The following RFTN1 variants were observed in gnomAD, a reference collection of about 807,000 sequenced individuals.
RFTN1 encodes the protein raftlin, lipid raft linker 1.
A neutral mutation model predicts 46.5 loss-of-function variants in RFTN1; 26 were observed. That is an observed-to-expected ratio of 0.56 (90% confidence interval 0.41 to 0.78). RFTN1 has a LOEUF of 0.78. Ranked by LOEUF, RFTN1 falls within the 30% of genes least tolerant of loss-of-function variation. The pLI, the probability that RFTN1 is intolerant of heterozygous loss-of-function variation, is 0.00. For synonymous variants in RFTN1, 261 were observed against 284.2 expected (o/e 0.92, Z 0.82); for missense variants, 693 against 718.7 (o/e 0.96, Z 0.41).
chr3:16,337,883 G>A lies in RFTN1; in HGVS notation c.1147-11007C>T, dbSNP rs1452465022. 6.6e-6 allele frequency among the ~76,000 whole-genome samples: 1 copy of A among 152,194 alleles called. No homozygotes were observed. Among genetic ancestry groups the A allele is most frequent in the Non-Finnish European group, 1.5e-5 (1 of 68,038 alleles). On this transcript the variant is annotated intron_variant, in intron 7 of 9. Transcript: ENST00000334133. The surrounding 1 kb of genome is among the most constrained non-coding windows in gnomAD (Gnocchi z 5.0). Reference sequence around the variant, plus strand: ...CCTAGCCCTTATTTGCTCCAGGCCGGACACTTTGGCCTTGCATTACCTCTG... The same window carrying A: ...CCTAGCCCTTATTTGCTCCAGGCCGAACACTTTGGCCTTGCATTACCTCTG...
intron 4 of RFTN1, among the ~76,000 whole-genome samples, chr3:16,391,857 G>GTT (rs1559317698): frequency 9.1e-6 from 1 of 110,082 alleles, no homozygotes; most frequent in Non-Finnish European, 1.9e-5. Context: ...CTAGTGCAAA[G>GTT]GTTTTTTTTT....
At position 16,345,815 on chromosome 3, in the gene RFTN1, TGTGCGCGCGCGC is replaced by T. The variant is rs869114174; in HGVS notation, c.1146+12105_1146+12116del. ...GTGTGTGTGTGTGTGTGTGTGTGTG[TGTGCGCGCGCGC>T]GTGCGCGCACGCGCACATGTGCATG... On this transcript the variant is annotated intron_variant, in intron 7 of 9. Coordinates refer to ENST00000334133, the MANE Select transcript of RFTN1 (RefSeq NM_015150.2). This position sits in a 1 kb window ranked among gnomAD's most constrained non-coding sequence, Gnocchi z 5.2. 1.8e-4 allele frequency among the ~76,000 whole-genome samples: 15 copies of T among 82,346 alleles called. No homozygotes were observed. Among genetic ancestry groups the T allele is most frequent in the African/African-American group, 4.5e-4 (6 of 13,354 alleles). The allele number at this position is 82,346 out of a possible 152,430, so 54.0% of individuals were successfully genotyped here. A position where few individuals can be genotyped will look rare whatever the true frequency, so the allele number is the denominator to read the frequency against.
At chr3:16,324,356 AT>A (rs1311709796) in intron 8 of RFTN1, among the ~76,000 whole-genome samples, 1 of 152,172 alleles carries the variant, frequency 6.6e-6, no homozygotes, top group Non-Finnish European at 1.5e-5. Context: ...AATAGTCACC[AT>A]TCTGTGCAAT....
rs530955613 is a variant in RFTN1 at position 16,468,382 on chromosome 3, C to A, written c.145+25343G>T. Among the ~76,000 whole-genome samples, 1 of 152,054 alleles carries A rather than the reference C, an allele frequency of 6.6e-6. No homozygotes were observed. The highest frequency in any genetic ancestry group is 6.5e-5 in the Admixed American group (1 of 15,268). On this transcript the variant is annotated intron_variant, in intron 2 of 9. Transcript: ENST00000334133. This position sits in a 1 kb window ranked among gnomAD's most constrained non-coding sequence, Gnocchi z 4.4. ...CTCCCTTAGATGCTGTCTGCCTATACCCCATGACTGTCAAAAATGTCCCCA... is the reference window on the plus strand; with the variant it reads ...CTCCCTTAGATGCTGTCTGCCTATAACCCATGACTGTCAAAAATGTCCCCA...
At chr3:16,389,101 C>T (rs1400141158) in intron 4 of RFTN1, among the ~76,000 whole-genome samples, 1 of 152,182 alleles carries the variant, frequency 6.6e-6, no homozygotes, top group Non-Finnish European at 1.5e-5. Context: ...ACCTTTTCTT[C>T]CCCCCACCAT....
At chr3:16,323,701 G>A (rs561809795) in intron 8 of RFTN1, among the ~76,000 whole-genome samples, 3 of 152,308 alleles carry the variant, frequency 2.0e-5, no homozygotes, top group Admixed American at 6.5e-5. Flanking sequence ...AGCTGGACAC[G>A]CCCATTCCCT....
intron 4 of RFTN1, among the ~76,000 whole-genome samples, chr3:16,401,321 TAAA>T (rs56312811): frequency 0.053 from 7,778 of 145,398 alleles, 380 homozygotes; most frequent in African/African-American, 0.13. Flanking sequence ...GAAGCCGTGT[TAAA>T]AAAAAAAAAA....
chr3:16,502,311 T>C (rs1389873107), intron 1 of RFTN1, among the ~76,000 whole-genome samples: 1 of 150,234 alleles, frequency 6.7e-6, no homozygotes, highest in Non-Finnish European at 1.5e-5. Context: ...CAGTGAGCCA[T>C]GATCTCGCCA....
rs747984757 is a variant in RFTN1 at position 16,345,389 on chromosome 3, C to CCCT, written c.1146+12540_1146+12542dup. The CCCT allele has an allele frequency of 1.3e-5, 2 of 151,972 alleles. No homozygotes were observed. Among genetic ancestry groups the CCCT allele is most frequent in the Non-Finnish European group, 2.9e-5 (2 of 68,026 alleles). 9.4% of individuals were successfully genotyped at this position (151,972 alleles called of 1,614,324 possible). A position where few individuals can be genotyped will look rare whatever the true frequency, so the allele number is the denominator to read the frequency against. On this transcript the variant is annotated intron_variant, in intron 7 of 9. Transcript: ENST00000334133. The surrounding 1 kb of genome is among the most constrained non-coding windows in gnomAD (Gnocchi z 5.2). Reference sequence around the variant, plus strand: ...ATATAGCCCCTGTTATCACATTGAGCCCTTAACTTGCCACAGGATGCATAA... The same window carrying CCCT: ...ATATAGCCCCTGTTATCACATTGAGCCCTCCTTAACTTGCCACAGGATGCATAA...
At position 16,507,661 on chromosome 3, in the gene RFTN1, C is replaced by A. The variant is rs1396328199; in HGVS notation, c.-9+5781G>T. 6.6e-6 allele frequency among the ~76,000 whole-genome samples: 1 copy of A among 151,292 alleles called. No individual in the cohort carries two copies. The highest frequency in any genetic ancestry group is 6.6e-5 in the Admixed American group (1 of 15,180). On this transcript the variant is annotated intron_variant, in intron 1 of 9. Transcript: ENST00000334133. The surrounding 1 kb of genome is among the most constrained non-coding windows in gnomAD (Gnocchi z 7.1). Reference sequence around the variant, plus strand: ...GCACACATCCACAAACACGCACATACATACACACACAATGCACATAAACAC... The same window carrying A: ...GCACACATCCACAAACACGCACATAAATACACACACAATGCACATAAACAC...
rs1401192880 is a variant in RFTN1 at position 16,418,309 on chromosome 3, C to T, written c.333-8826G>A. On this transcript the variant is annotated intron_variant, in intron 3 of 9. Transcript: ENST00000334133. The surrounding 1 kb of genome is among the most constrained non-coding windows in gnomAD (Gnocchi z 5.0). ...TAAAAAATAAGCATGTGACTAAAAACTATGATACACATTACTTTTAAATAA... is the reference window on the plus strand; with the variant it reads ...TAAAAAATAAGCATGTGACTAAAAATTATGATACACATTACTTTTAAATAA... 6.6e-6 allele frequency among the ~76,000 whole-genome samples: 1 copy of T among 152,210 alleles called. No homozygotes were observed. Among genetic ancestry groups the T allele is most frequent in the Non-Finnish European group, 1.5e-5 (1 of 68,030 alleles).
chr3:16,403,549 G>GAC (rs1271406831), intron 4 of RFTN1, among the ~76,000 whole-genome samples: 1 of 59,476 alleles, frequency 1.7e-5, no homozygotes, highest in Non-Finnish European at 2.9e-5. Context: ...ATGAGAGACA[G>GAC]AGACAGAGAC....
At chr3:16,354,146 C>T (rs796588484) in intron 7 of RFTN1, among the ~76,000 whole-genome samples, 107 of 152,228 alleles carry the variant, frequency 7.0e-4, no homozygotes, top group African/African-American at 2.4e-3. Context: ...TATTCCCAGA[C>T]CAAGAAACTC....
rs2074637207 is a variant in RFTN1 at position 16,402,790 on chromosome 3, A to G, written c.441+6585T>C. Among the ~76,000 whole-genome samples the G allele has an allele frequency of 6.6e-6, 1 of 152,162 alleles. No individual in the cohort carries two copies. The highest frequency in any genetic ancestry group is 2.1e-4 in the South Asian group (1 of 4,810). On this transcript the variant is annotated intron_variant, in intron 4 of 9. Transcript: ENST00000334133. The surrounding 1 kb of genome is among the most constrained non-coding windows in gnomAD (Gnocchi z 4.5). ...CATTCGGTTTTCTGAAGGACAATGTACTCGGTTTAATCCAGGACAGTACAC... is the reference window on the plus strand; with the variant it reads ...CATTCGGTTTTCTGAAGGACAATGTGCTCGGTTTAATCCAGGACAGTACAC...
At chr3:16,318,168 C>T (rs927345393) in intron 9 of RFTN1, among the ~76,000 whole-genome samples, 6 of 151,956 alleles carry the variant, frequency 3.9e-5, no homozygotes, top group African/African-American at 1.2e-4. Flanking sequence ...CACCCGAGAG[C>T]GAGCCCCAGC....
intron 4 of RFTN1, among the ~76,000 whole-genome samples, chr3:16,397,083 AAAAG>A (rs1278306927): frequency 2.0e-5 from 3 of 151,838 alleles, no homozygotes; most frequent in Admixed American, 1.3e-4. Context: ...AAAAAAAAAA[AAAAG>A]AGAGAGAGAA....
At chr3:16,470,784 C>A (rs1353949019) in intron 2 of RFTN1, among the ~76,000 whole-genome samples, 1 of 152,180 alleles carries the variant, frequency 6.6e-6, no homozygotes, top group Non-Finnish European at 1.5e-5. Context: ...CACACCATCA[C>A]AGTCACAATG....
rs1328548521 is a variant in RFTN1, at chr3:16,465,363, G to A, written c.145+28362C>T. ...TTGATTGCTGAACGCTTTCATCAAG[G>A]CAATTCTCTGAGCACAGGAAAAAAA... On this transcript the variant is annotated intron_variant, in intron 2 of 9. Coordinates refer to ENST00000334133, the MANE Select transcript of RFTN1 (RefSeq NM_015150.2). The surrounding 1 kb of genome is among the most constrained non-coding windows in gnomAD (Gnocchi z 5.1). Among the ~76,000 whole-genome samples, 2 of 150,708 alleles carry A rather than the reference G, an allele frequency of 1.3e-5. No individual in the cohort carries two copies. Among genetic ancestry groups the A allele is most frequent in the African/African-American group, 2.4e-5 (1 of 40,956 alleles).
At chr3:16,323,112 C>G (rs917623650) in intron 9 of RFTN1, among the ~76,000 whole-genome samples, 2 of 152,186 alleles carry the variant, frequency 1.3e-5, no homozygotes, top group African/African-American at 2.4e-5. Flanking sequence ...GAATATCTAG[C>G]AGGCTGAAGC....
Sources: gnomAD v4.1 joint callset for allele counts (sites outside exome capture counted in the v4.1 genomes callset) on GRCh38, gnomAD v4.1.1 for gene constraint, Gnocchi (gnomAD v3.1) non-coding constraint, MANE v1.5 for transcripts, NCBI Gene and HGNC (gene_info 2026-07-23, HGNC 2026-07-21) for gene names.